B4GALT6: variants seen among roughly 807,000 people sequenced by gnomAD.
B4GALT6 encodes the protein UDP-Gal:beta-GlcNAc beta-1,4-galactosyltransferase 6.
B4GALT6 carries 14 observed loss-of-function variants against 46.3 expected under a neutral mutation model. That is an observed-to-expected ratio of 0.30 (90% confidence interval 0.20 to 0.47). The LOEUF is 0.47. Ranked by LOEUF, B4GALT6 falls within the 20% of genes least tolerant of loss-of-function variation. B4GALT6 has a pLI of 0.99. For synonymous variants in B4GALT6, 168 were observed against 162.0 expected (o/e 1.04, Z -0.28); for missense variants, 386 against 480.1 (o/e 0.80, Z 1.83).
At chr18:31,717,729 C>T in the B4GALT6 span, among the ~76,000 whole-genome samples, 12 of 151,940 alleles carry the variant, frequency 7.9e-5, no homozygotes, top group South Asian at 2.1e-4. Flanking sequence ...CCGAGGCAGG[C>T]GGATCACCGG....
the B4GALT6 span, chr18:31,724,351 T>C: frequency 8.9e-6 from 8 of 896,150 alleles, no homozygotes; most frequent in South Asian, 3.9e-5. Context: ...GCCTCTGGAG[T>C]GGGTCCAGGA....
intron 3 of B4GALT6, among the ~76,000 whole-genome samples, chr18:31,651,150 C>G (rs1267131184): frequency 1.3e-5 from 2 of 152,070 alleles, no homozygotes; most frequent in Non-Finnish European, 2.9e-5. Context: ...GATCACAGCA[C>G]CTACACACTG....
chr18:31,643,778 G>T (rs1157500758), intron 4 of B4GALT6, among the ~76,000 whole-genome samples: 1 of 152,092 alleles, frequency 6.6e-6, no homozygotes, highest in African/African-American at 2.4e-5. Flanking sequence ...CTAGAAACAG[G>T]AGAAAAATAC....
In B4GALT6 at chr18:31,654,246, T is replaced by A. The variant is rs145900085; in HGVS notation, c.346+3730A>T. On this transcript the variant is annotated intron_variant, in intron 3 of 8. Coordinates refer to ENST00000306851, the MANE Select transcript of B4GALT6 (RefSeq NM_004775.5). ...TCTATTTTCAGTCTAATGCAGAGTATGCAATTGACATTTTCCATTTCTACC... is the reference window on the plus strand; with the variant it reads ...TCTATTTTCAGTCTAATGCAGAGTAAGCAATTGACATTTTCCATTTCTACC... 2.3e-4 allele frequency among the ~76,000 whole-genome samples: 35 copies of A among 152,338 alleles called. No individual in the cohort carries two copies. The East Asian group carries it at 6.4e-3, about 28-fold the overall frequency.
the B4GALT6 span, among the ~76,000 whole-genome samples, chr18:31,698,906 A>AC: frequency 6.6e-6 from 1 of 152,022 alleles, no homozygotes; most frequent in Non-Finnish European, 1.5e-5. Flanking sequence ...CCCTGTCTCT[A>AC]TTAAAATACA....
intron 3 of B4GALT6, among the ~76,000 whole-genome samples, chr18:31,654,985 C>T (rs1397849729): frequency 6.6e-6 from 1 of 152,150 alleles, no homozygotes; most frequent in South Asian, 2.1e-4. Flanking sequence ...TAAAGTCTGG[C>T]TCTATTATTC....
chr18:31,721,943 G>GA, the B4GALT6 span, among the ~76,000 whole-genome samples: 1 of 151,838 alleles, frequency 6.6e-6, no homozygotes, highest in Non-Finnish European at 1.5e-5. Context: ...GGAGAGCCCT[G>GA]ATTGATACAC....
At chr18:31,692,345 T>A in the B4GALT6 span, among the ~76,000 whole-genome samples, 1 of 152,208 alleles carries the variant, frequency 6.6e-6, no homozygotes, top group Non-Finnish European at 1.5e-5. Context: ...AAGTTCAAGT[T>A]GCTCGCATTC....
the B4GALT6 span, among the ~76,000 whole-genome samples, chr18:31,703,406 A>T: frequency 6.6e-6 from 1 of 152,290 alleles, no homozygotes; most frequent in African/African-American, 2.4e-5. Context: ...AGAAAAGCCA[A>T]CCACATCTAC....
At chr18:31,696,741 T>A in the B4GALT6 span, among the ~76,000 whole-genome samples, 3 of 152,228 alleles carry the variant, frequency 2.0e-5, no homozygotes, top group Non-Finnish European at 4.4e-5. Context: ...TATGGCATTT[T>A]AGATCTGTTG....
the B4GALT6 span, among the ~76,000 whole-genome samples, chr18:31,692,801 A>G: frequency 2.0e-5 from 3 of 152,210 alleles, no homozygotes; most frequent in African/African-American, 7.2e-5. Flanking sequence ...TAGAAAACTC[A>G]TTAGAACTAA....
intron 1 of B4GALT6, among the ~76,000 whole-genome samples, chr18:31,670,984 G>A (rs1277641378): frequency 1.3e-4 from 19 of 151,880 alleles, no homozygotes; most frequent in Non-Finnish European, 2.6e-4. Flanking sequence ...TCCCACTTAT[G>A]AGAACACGTA....
chr18:31,643,010 A>G (rs2073949285), intron 4 of B4GALT6, among the ~76,000 whole-genome samples: 1 of 152,240 alleles, frequency 6.6e-6, no homozygotes, highest in Non-Finnish European at 1.5e-5. Context: ...CAAGTTGATG[A>G]CAGATGTTTA....
At chr18:31,707,286 C>G in the B4GALT6 span, among the ~76,000 whole-genome samples, 2 of 149,352 alleles carry the variant, frequency 1.3e-5, no homozygotes, top group Non-Finnish European at 3.0e-5. Context: ...AACCTATTCT[C>G]CATCTCCAAT....
chr18:31,720,834 G>A, the B4GALT6 span, among the ~76,000 whole-genome samples: 1 of 152,226 alleles, frequency 6.6e-6, no homozygotes, highest in Non-Finnish European at 1.5e-5. Context: ...GCTTATTTGG[G>A]TGTGCACAGA....
intron 1 of B4GALT6, among the ~76,000 whole-genome samples, chr18:31,678,534 G>A (rs1002825727): frequency 1.3e-5 from 2 of 152,216 alleles, no homozygotes; most frequent in Non-Finnish European, 2.9e-5. Flanking sequence ...ACAGTAGAAT[G>A]AGTCAGGAAT....
intron 3 of B4GALT6, among the ~76,000 whole-genome samples, chr18:31,650,087 CCT>C (rs1473676535): frequency 1.3e-5 from 2 of 152,184 alleles, no homozygotes; most frequent in Non-Finnish European, 2.9e-5. Flanking sequence ...CTCATTAAAG[CCT>C]CTTTCTCTTT....
At chr18:31,721,300 C>T in the B4GALT6 span, among the ~76,000 whole-genome samples, 3 of 152,118 alleles carry the variant, frequency 2.0e-5, no homozygotes, top group South Asian at 4.2e-4. Context: ...CAAACCTGCA[C>T]GTTGTGCACA....
At chr18:31,724,358 A>T in the B4GALT6 span, 4 of 996,638 alleles carry the variant, frequency 4.0e-6, no homozygotes, top group Non-Finnish European at 5.2e-6. Flanking sequence ...GAGTGGGTCC[A>T]GGACCCGCTC....
Sources: gnomAD v4.1 joint callset for allele counts (sites outside exome capture counted in the v4.1 genomes callset) on GRCh38, gnomAD v4.1.1 for gene constraint, MANE v1.5 for transcripts, NCBI Gene and HGNC (gene_info 2026-07-23, HGNC 2026-07-21) for gene names.